Variants in PIK3R4 observed in about 807,000 individuals in gnomAD.
PIK3R4 encodes phosphoinositide 3-kinase regulatory subunit 4.
PIK3R4 carries 46 observed loss-of-function variants against 136.5 expected under a neutral mutation model. That is an observed-to-expected ratio of 0.34 (90% CI 0.27 to 0.43). The LOEUF (loss-of-function observed/expected upper bound fraction) is 0.43, where lower values mean the gene tolerates loss of function less well. PIK3R4 is among the 20% of genes least tolerant of loss of function. The probability of loss-of-function intolerance (pLI) is 1.00; values close to 1 mark genes in which losing one functional copy is unlikely to be tolerated. For missense variants in PIK3R4, 1,331 were observed against 1,649.5 expected, an observed-to-expected ratio of 0.81 and a Z score of 3.35; for synonymous variants, 557 against 566.7, an observed-to-expected ratio of 0.98 and a Z score of 0.24.
chr3:130,708,489 T>C lies in PIK3R4; in HGVS notation c.2335A>G (p.Met779Val). The change falls in exon 10 of 20, where the codon ATG becomes GTG. Residue 779 changes from methionine to valine, a missense_variant. Around this residue, in one of 2 missense-constraint regions of PIK3R4, gnomAD observed 1,180 missense variants for 1,407.0 expected, o/e 0.84. Coordinates refer to ENST00000356763, the MANE Select transcript of PIK3R4 (RefSeq NM_014602.3). ...QLLKKLLSQG[M>V]TEEEEDKLLA... ...AGTTTGTCTTCCTCTTCCTCTGTCA[T>C]TCCCTAAAACCAAATAAAACCATAT... 1 of 1,611,530 alleles carries C rather than the reference T, an allele frequency of 6.2e-7. No individual in the cohort carries two copies. The highest frequency in any genetic ancestry group is 8.5e-7 in the Non-Finnish European group (1 of 1,177,990).
intron 5 of PIK3R4, among the ~76,000 whole-genome samples, chr3:130,729,039 T>C (rs2107618012): frequency 6.6e-6 from 1 of 152,296 alleles, no homozygotes; most frequent in African/African-American, 2.4e-5. Context: ...TTGAAAATAA[T>C]GGAATAGGAT....
chr3:130,716,568 A>G lies in PIK3R4; in HGVS notation c.2159T>C (p.Leu720Ser), dbSNP rs2066666195. ...IERKLVLLSV[L>S]KEPVSRSIFD... is the part of the protein sequence containing the mutation. ...TATAGAACGACTTACTGGTTCCTTT[A>G]AAACACTGAGCAGAACAAGTTTTCT... Residue 720 changes from leucine to serine, a missense_variant, in exon 9 of 20, where the codon TTA (leucine) becomes TCA (serine). By Grantham distance (145) the Leu-to-Ser change is moderately radical. This residue lies in a region of PIK3R4 where 1,180 missense variants were observed against 1,407.0 expected (regional missense o/e 0.84). Transcript: ENST00000356763. The G allele has an allele frequency of 6.2e-7, 1 of 1,613,646 alleles. No homozygotes were observed. The highest frequency in any genetic ancestry group is 8.5e-7 in the Non-Finnish European group (1 of 1,179,714).
rs542966585 is a variant in PIK3R4 at position 130,735,102 on chromosome 3, T to C, written c.867+767A>G. 2.6e-5 allele frequency among the ~76,000 whole-genome samples: 4 copies of C among 152,338 alleles called. No homozygotes were observed. In the East Asian group the frequency reaches 5.8e-4, roughly 22 times the overall value. ...AAAGACAGAACACTACACCAACTCC[T>C]CATCCAGTGCACTGTTCAATAAATA... On this transcript the variant is annotated intron_variant, in intron 3 of 19. Coordinates refer to ENST00000356763, the MANE Select transcript of PIK3R4 (RefSeq NM_014602.3).
Position 130,716,532 on chromosome 3 carries a change from G to C in PIK3R4, c.2195C>G (p.Ala732Gly). ...EPVSRSIFDY[A>G]LRSKDITSLF... ...GCTAGTAATATCTTTAGACCTCAAA[G>C]CATAATCAAATATAGAACGACTTAC... The change falls in exon 9 of 20, where the codon GCT becomes GGT. Residue 732 changes from alanine to glycine, a missense_variant. This residue lies in a region of PIK3R4 where 1,180 missense variants were observed against 1,407.0 expected (regional missense o/e 0.84). Transcript: ENST00000356763. The C allele has an allele frequency of 5.6e-6, 9 of 1,613,712 alleles. No individual in the cohort carries two copies. Among genetic ancestry groups the C allele is most frequent in the Non-Finnish European group, 6.8e-6 (8 of 1,179,650 alleles).
intron 16 of PIK3R4, among the ~76,000 whole-genome samples, chr3:130,682,858 C>T (rs1019652994): frequency 2.6e-5 from 4 of 152,074 alleles, no homozygotes; most frequent in South Asian, 2.1e-4. Context: ...GCAAGAAGGC[C>T]GGTCCCATAA....
intron 7 of PIK3R4, among the ~76,000 whole-genome samples, chr3:130,720,226 G>A (rs1477704011): frequency 1.3e-5 from 2 of 151,464 alleles, no homozygotes; most frequent in Admixed American, 6.6e-5. Context: ...ACGGAGTTTC[G>A]CTCTTATTGC....
At chr3:130,708,644 G>T (rs2066618350) in intron 9 of PIK3R4, 152 bp from the exon 10 acceptor site, 1 of 649,906 alleles carries the variant, frequency 1.5e-6, no homozygotes, top group African/African-American at 1.8e-5. Flanking sequence ...GAAAAATAAA[G>T]TTAACAATAC....
chr3:130,709,012 A>C (rs1306384742), intron 9 of PIK3R4, among the ~76,000 whole-genome samples: 2 of 152,148 alleles, frequency 1.3e-5, no homozygotes, highest in Non-Finnish European at 2.9e-5. Context: ...ATGCTGCCTC[A>C]ACTGCAAATG....
At chr3:130,726,599 A>G (rs2066733592) in intron 6 of PIK3R4, among the ~76,000 whole-genome samples, 1 of 152,188 alleles carries the variant, frequency 6.6e-6, no homozygotes, top group Admixed American at 6.5e-5. Flanking sequence ...AGGAATAGCT[A>G]TGGGAAAAAA....
chr3:130,681,458 T>G lies in PIK3R4; in HGVS notation c.3708+33A>C, dbSNP rs371314011. ...AAAGTACTTAGGATGTGGGGAATAATATCATCCTTTACAGTAAAAACTGAA... is the reference window on the plus strand; with the variant it reads ...AAAGTACTTAGGATGTGGGGAATAAGATCATCCTTTACAGTAAAAACTGAA... On this transcript the variant is annotated intron_variant, in intron 17 of 19. Coordinates refer to ENST00000356763, the MANE Select transcript of PIK3R4 (RefSeq NM_014602.3). 1.5e-5 allele frequency: 19 copies of G among 1,241,182 alleles called. No homozygotes were observed. The African/African-American group carries it at 2.8e-4, about 18-fold the overall frequency. 76.9% of individuals were successfully genotyped at this position (1,241,182 alleles called of 1,614,324 possible).
intron 2 of PIK3R4, among the ~76,000 whole-genome samples, chr3:130,742,012 C>T (rs978665606): frequency 6.6e-6 from 1 of 152,104 alleles, no homozygotes; most frequent in African/African-American, 2.4e-5. Context: ...ATGAAAACGA[C>T]ATTATTTGAT....
At chr3:130,699,082 A>T (rs2403313) in intron 13 of PIK3R4, among the ~76,000 whole-genome samples, 29,924 of 152,074 alleles carry the variant, frequency 0.2, 3,173 homozygotes, top group South Asian at 0.35. Context: ...CTTCCTGGGT[A>T]TGTGCACAAC....
intron 6 of PIK3R4, among the ~76,000 whole-genome samples, chr3:130,726,798 G>C (rs1355590590): frequency 6.6e-6 from 1 of 151,806 alleles, no homozygotes; most frequent in Non-Finnish European, 1.5e-5. Flanking sequence ...AAGAACACAT[G>C]AATTGACCAA....
At chr3:130,730,981 C>T (rs1026676763) in intron 4 of PIK3R4, among the ~76,000 whole-genome samples, 6 of 152,204 alleles carry the variant, frequency 3.9e-5, no homozygotes, top group African/African-American at 1.2e-4. Flanking sequence ...ACAAGTGATA[C>T]TCAAGTTCTT....
intron 9 of PIK3R4, among the ~76,000 whole-genome samples, chr3:130,712,159 G>A (rs1278178286): frequency 1.3e-5 from 2 of 152,068 alleles, no homozygotes; most frequent in Non-Finnish European, 2.9e-5. Flanking sequence ...TGTATGTTAA[G>A]TCTATTAACT....
In PIK3R4 at chr3:130,723,338, T is replaced by A. The variant is rs2066713508; in HGVS notation, c.1981+76A>T. On this transcript the variant is annotated intron_variant, in intron 7 of 19. Coordinates refer to ENST00000356763, the MANE Select transcript of PIK3R4 (RefSeq NM_014602.3). ...CAATCAATAGCAGGAACAATAAAGT[T>A]GCAATTCTTTATATTACCTAGAAAT... 5.6e-6 allele frequency: 7 copies of A among 1,244,898 alleles called. No homozygotes were observed. In the South Asian group the frequency reaches 1.0e-4, roughly 18 times the overall value. The allele number at this position is 1,244,898 out of a possible 1,614,324, so 77.1% of individuals were successfully genotyped here. A position where few individuals can be genotyped will look rare whatever the true frequency, so the allele number is the denominator to read the frequency against.
chr3:130,741,398 T>C (rs746847754), intron 2 of PIK3R4, among the ~76,000 whole-genome samples: 2 of 152,254 alleles, frequency 1.3e-5, no homozygotes, highest in African/African-American at 2.4e-5. Context: ...TAAATCTTGT[T>C]TCAGCCACCA....
At chr3:130,720,209 T>C (rs139858285) in intron 7 of PIK3R4, among the ~76,000 whole-genome samples, 40 of 152,334 alleles carry the variant, frequency 2.6e-4, no homozygotes, top group African/African-American at 9.1e-4. Context: ...TTCCTTTTTT[T>C]TTTGAGACGG....
At chr3:130,732,542 TG>T (rs2066764952) in intron 4 of PIK3R4, among the ~76,000 whole-genome samples, 1 of 152,208 alleles carries the variant, frequency 6.6e-6, no homozygotes. Context: ...AACTTTGATG[TG>T]TCTTAAGAGA....
Sources: allele counts gnomAD v4.1 joint callset (sites outside exome capture counted in the v4.1 genomes callset), GRCh38; gene constraint gnomAD v4.1.1; regional missense constraint gnomAD v4.1.1; transcripts MANE v1.5; gene names NCBI Gene and HGNC (gene_info 2026-07-23, HGNC 2026-07-21).